TMEM232: variants seen among roughly 807,000 people sequenced by gnomAD.
TMEM232 encodes the protein transmembrane protein 232.
TMEM232 carries 80 observed loss-of-function variants against 78.8 expected under a neutral mutation model. The ratio of observed to expected loss-of-function variants is 1.01; its 90% CI spans 0.85 to 1.22. The LOEUF (loss-of-function observed/expected upper bound fraction) is 1.22. Among genes scored for constraint, TMEM232 ranks in the 50% most tolerant of loss-of-function variants. The pLI, the probability that TMEM232 is intolerant of heterozygous loss-of-function variation, is 0.00. For synonymous variants in TMEM232, 297 were observed against 254.3 expected (o/e 1.17, Z -1.60); for missense variants, 881 against 742.2 (o/e 1.19, Z -2.17).
chr5:110,546,138 C>A (rs1324302501), intron 11 of TMEM232, among the ~76,000 whole-genome samples: 1 of 151,966 alleles, frequency 6.6e-6, no homozygotes, highest in Non-Finnish European at 1.5e-5. Flanking sequence ...TCTCCTCCAA[C>A]CTCCAAGAGG....
intron 10 of TMEM232, among the ~76,000 whole-genome samples, chr5:110,589,972 AT>A (rs1370433500): frequency 6.6e-6 from 1 of 152,156 alleles, no homozygotes; most frequent in Non-Finnish European, 1.5e-5. Flanking sequence ...ATAAGGGCTT[AT>A]TTAGGCACTT....
chr5:110,664,301 A>T (rs919535775), intron 2 of TMEM232, among the ~76,000 whole-genome samples: 1 of 152,244 alleles, frequency 6.6e-6, no homozygotes, highest in Admixed American at 6.5e-5. Context: ...AATGAAGAAT[A>T]TACATAATTA....
At chr5:110,733,862 T>A (rs1371784324) in intron 2 of TMEM232, among the ~76,000 whole-genome samples, 1 of 152,298 alleles carries the variant, frequency 6.6e-6, no homozygotes, top group East Asian at 1.9e-4. Context: ...TCAAATGATA[T>A]TAAAATGGTC....
chr5:110,733,016 A>G (rs1278048571), intron 2 of TMEM232, among the ~76,000 whole-genome samples: 1 of 152,246 alleles, frequency 6.6e-6, no homozygotes, highest in African/African-American at 2.4e-5. Flanking sequence ...GGCAAAGGAC[A>G]TGAACAGAAA....
At chr5:110,594,788 G>A (rs1283576413) in intron 10 of TMEM232, among the ~76,000 whole-genome samples, 1 of 152,222 alleles carries the variant, frequency 6.6e-6, no homozygotes, top group Non-Finnish European at 1.5e-5. Flanking sequence ...GCCCCAGTCA[G>A]GGGCTTATAG....
intron 12 of TMEM232, among the ~76,000 whole-genome samples, chr5:110,442,155 T>A (rs1221043410): frequency 6.6e-6 from 1 of 152,176 alleles, no homozygotes; most frequent in African/African-American, 2.4e-5. Context: ...AATGTTGATA[T>A]CTTCTCTAGG....
intron 12 of TMEM232, among the ~76,000 whole-genome samples, chr5:110,481,990 G>GA (rs1231997184): frequency 6.6e-6 from 1 of 152,010 alleles, no homozygotes; most frequent in Non-Finnish European, 1.5e-5. Context: ...ATTTATTACA[G>GA]AAACTAAATA....
intron 11 of TMEM232, among the ~76,000 whole-genome samples, chr5:110,556,093 T>C (rs955720399): frequency 1.3e-5 from 2 of 152,184 alleles, no homozygotes; most frequent in African/African-American, 4.8e-5. Context: ...TCTAAGTACT[T>C]AAGTGCATTT....
Position 110,508,699 on chromosome 5 carries a change from G to A in TMEM232, c.1703+19889C>T, listed in dbSNP as rs114602872. On this transcript the variant is annotated intron_variant, in intron 12 of 13. Transcript: ENST00000455884. ...TGTAAAGTTTCTGGTCAAGCTGTTTGTGCTGTTTCCCTTTCACGAATGAAA... is the reference window on the plus strand; with the variant it reads ...TGTAAAGTTTCTGGTCAAGCTGTTTATGCTGTTTCCCTTTCACGAATGAAA... Among the ~76,000 whole-genome samples, 1,206 of 150,550 alleles carry A rather than the reference G, an allele frequency of 8.0e-3. 5 individuals are homozygous for A. Among genetic ancestry groups the A allele is most frequent in the Non-Finnish European group, 0.014 (977 of 67,720 alleles).
intron 2 of TMEM232, among the ~76,000 whole-genome samples, chr5:110,663,607 A>G (rs1790103192): frequency 6.6e-6 from 1 of 152,068 alleles, no homozygotes; most frequent in Admixed American, 6.6e-5. Flanking sequence ...CCATGTTTCT[A>G]AACTATCATA....
chr5:110,579,157 T>A (rs1233542312), intron 10 of TMEM232, among the ~76,000 whole-genome samples: 1 of 151,516 alleles, frequency 6.6e-6, no homozygotes, highest in African/African-American at 2.4e-5. Context: ...AAGATTTTTT[T>A]AAGCAGGAAT....
chr5:110,667,290 A>G lies in TMEM232; in HGVS notation c.63T>C (p.Tyr21=). The change falls in exon 2 of 14, where the codon TAT becomes TAC. Residue 21 remains tyrosine, a synonymous_variant. Transcript: ENST00000455884. The stretch of plus-strand genomic sequence containing the variant: ...AATTTAATTTCCAGAGCTCTTCATG[A>G]TAAGGGGAAGATATGCCTCCACATG... ...INTCGGISSP[Y]HEELWKLNFQ... The G allele has an allele frequency of 6.5e-7, 1 of 1,545,672 alleles. No homozygotes were observed. Among genetic ancestry groups the G allele is most frequent in the Non-Finnish European group, 8.7e-7 (1 of 1,143,010 alleles).
intron 10 of TMEM232, among the ~76,000 whole-genome samples, chr5:110,594,284 C>T (rs1223684956): frequency 1.3e-5 from 2 of 152,118 alleles, no homozygotes; most frequent in East Asian, 1.9e-4. Context: ...CCAGATACTA[C>T]ATTTTTCCCA....
intron 12 of TMEM232, among the ~76,000 whole-genome samples, chr5:110,514,817 T>C (rs75782033): frequency 0.014 from 2,103 of 152,254 alleles, 42 homozygotes; most frequent in African/African-American, 0.048. Context: ...TCTCTCTATA[T>C]GTACTTACTA....
At position 110,514,187 on chromosome 5, in the gene TMEM232, G is replaced by A. The variant is rs747279572; in HGVS notation, c.1703+14401C>T. On this transcript the variant is annotated intron_variant, in intron 12 of 13. Transcript: ENST00000455884. ...TACTATGTCTTATCACCATACCCCC[G>A]AAATACATGTCTGGCATAGTCAAAA... 3.3e-5 allele frequency among the ~76,000 whole-genome samples: 5 copies of A among 151,954 alleles called. No homozygotes were observed. In the East Asian group the frequency reaches 9.6e-4, roughly 29 times the overall value.
At chr5:110,422,525 A>C (rs1201836851) in intron 13 of TMEM232, among the ~76,000 whole-genome samples, 2 of 141,858 alleles carry the variant, frequency 1.4e-5, no homozygotes, top group East Asian at 3.9e-4. Flanking sequence ...GTCTCAAAAA[A>C]AAAAAAAAAA....
intron 12 of TMEM232, among the ~76,000 whole-genome samples, chr5:110,434,057 G>A (rs1280030094): frequency 2.7e-5 from 4 of 149,908 alleles, no homozygotes; most frequent in African/African-American, 9.8e-5. Flanking sequence ...AGAAACTAAA[G>A]TCAGAGCAGA....
chr5:110,597,812 A>T (rs941630763), intron 10 of TMEM232, among the ~76,000 whole-genome samples: 4 of 152,218 alleles, frequency 2.6e-5, no homozygotes, highest in East Asian at 1.9e-4. Context: ...GCTAGCCATA[A>T]GTAGAAAGCT....
At chr5:110,718,756 T>C (rs1006334738) in intron 1 of TMEM232, among the ~76,000 whole-genome samples, 1 of 152,084 alleles carries the variant, frequency 6.6e-6, no homozygotes, top group Non-Finnish European at 1.5e-5. Context: ...AGGGTTACCA[T>C]ATTTCTCTAA....
Sources: gnomAD v4.1 joint callset for allele counts (sites outside exome capture counted in the v4.1 genomes callset) on GRCh38, gnomAD v4.1.1 for gene constraint, MANE v1.5 for transcripts, NCBI Gene and HGNC (gene_info 2026-07-23, HGNC 2026-07-21) for gene names.